The following MEI4 variants were observed in gnomAD, a reference collection of about 807,000 sequenced individuals.
MEI4 encodes meiotic double-stranded break formation protein 4.
MEI4 carries 27 observed loss-of-function variants against 31.4 expected under a neutral mutation model. The observed-to-expected ratio is 0.86, with a 90% CI of 0.63 to 1.19. The LOEUF (loss-of-function observed/expected upper bound fraction) is 1.19. Ranked by LOEUF, MEI4 falls within the 50% of genes most tolerant of loss-of-function variation. The probability of loss-of-function intolerance (pLI) is 0.00; values close to 1 mark genes in which losing one functional copy is unlikely to be tolerated. For missense variants in MEI4, 329 were observed against 398.9 expected (o/e 0.82, Z 1.49); for synonymous variants, 122 against 145.4 (o/e 0.84, Z 1.16).
intron 4 of MEI4, among the ~76,000 whole-genome samples, chr6:77,855,999 A>T (rs1270897339): frequency 6.6e-6 from 1 of 152,134 alleles, no homozygotes; most frequent in African/African-American, 2.4e-5. Context: ...ACATTAAAAA[A>T]ATTGCTGGTT....
rs569346391 is a variant in MEI4 at position 77,917,040 on chromosome 6, G to A, written c.901-6049G>A. ...GCGGTGTTTGGTTTTTTGTTCTTGC[G>A]ATAGTTTACTGAGAATGATGATTTC... On this transcript the variant is annotated intron_variant, in intron 4 of 4. Coordinates refer to ENST00000684080, the MANE Select transcript of MEI4 (RefSeq NM_001322247.2). 1.5e-3 allele frequency among the ~76,000 whole-genome samples: 223 copies of A among 150,820 alleles called. 1 individual carries two copies. Among genetic ancestry groups the A allele is most frequent in the African/African-American group, 4.6e-3 (189 of 40,942 alleles).
chr6:77,658,310 G>A (rs1768436833), intron 1 of MEI4, among the ~76,000 whole-genome samples: 1 of 152,138 alleles, frequency 6.6e-6, no homozygotes, highest in South Asian at 2.1e-4. Context: ...TGATCAGTTA[G>A]GGTGGGGCAG....
At chr6:77,662,187 G>A (rs1035497330) in intron 1 of MEI4, among the ~76,000 whole-genome samples, 1 of 152,192 alleles carries the variant, frequency 6.6e-6, no homozygotes, top group African/African-American at 2.4e-5. Flanking sequence ...AGTTCGGCTT[G>A]CTGAGAGGTA....
chr6:77,794,024 A>G (rs749338912), intron 3 of MEI4, among the ~76,000 whole-genome samples: 3 of 151,296 alleles, frequency 2.0e-5, no homozygotes, highest in Non-Finnish European at 2.9e-5. Flanking sequence ...ACAAAAAATA[A>G]GAAGATTCTA....
At chr6:77,743,889 C>T (rs1767497659) in intron 2 of MEI4, among the ~76,000 whole-genome samples, 1 of 152,346 alleles carries the variant, frequency 6.6e-6, no homozygotes, top group South Asian at 2.1e-4. Flanking sequence ...CAAACTCCAA[C>T]AGACCTGCAG....
chr6:77,877,309 ATTGT>A (rs1195906350), intron 4 of MEI4, among the ~76,000 whole-genome samples: 1 of 151,800 alleles, frequency 6.6e-6, no homozygotes, highest in Non-Finnish European at 1.5e-5. Context: ...TTTACATATG[ATTGT>A]TTATATTTTT....
intron 2 of MEI4, among the ~76,000 whole-genome samples, chr6:77,728,289 G>C (rs1334256362): frequency 6.6e-6 from 1 of 152,206 alleles, no homozygotes; most frequent in Non-Finnish European, 1.5e-5. Context: ...TGTAAAAGAA[G>C]AAAAAGTCTG....
At chr6:77,790,058 T>C (rs1190639576) in intron 3 of MEI4, among the ~76,000 whole-genome samples, 1 of 151,968 alleles carries the variant, frequency 6.6e-6, no homozygotes, top group Admixed American at 6.6e-5. Context: ...ATATACACCA[T>C]GGAATACTAT....
At position 77,797,036 on chromosome 6, in the gene MEI4, CAT is replaced by C. The variant is rs374597423; in HGVS notation, c.769-31894_769-31893del. On this transcript the variant is annotated intron_variant, in intron 3 of 4. Transcript: ENST00000684080. ...AATAGATACCTCAAAAATAAACACA[CAT>C]GTGTATGATTAACTGATTTTTGACA... Among the ~76,000 whole-genome samples, 654 of 152,220 alleles carry C rather than the reference CAT, an allele frequency of 4.3e-3. 6 individuals carry two copies. The highest frequency in any genetic ancestry group is 0.012 in the African/African-American group (507 of 41,546).
intron 2 of MEI4, among the ~76,000 whole-genome samples, chr6:77,738,113 G>A (rs1301115926): frequency 2.0e-5 from 3 of 152,194 alleles, no homozygotes; most frequent in Admixed American, 6.5e-5. Context: ...CAAGGAGGAA[G>A]GTTTGTGTTG....
intron 2 of MEI4, among the ~76,000 whole-genome samples, chr6:77,728,706 C>T (rs1461866112): frequency 6.6e-6 from 1 of 152,134 alleles, no homozygotes; most frequent in African/African-American, 2.4e-5. Context: ...GGAGTGGAGC[C>T]ATCCAGATTG....
chr6:77,699,871 G>GCAGCAGTGGCTGCAGAA (rs1766171883), intron 2 of MEI4, among the ~76,000 whole-genome samples: 1 of 151,648 alleles, frequency 6.6e-6, no homozygotes, highest in Non-Finnish European at 1.5e-5. Flanking sequence ...CTGGGTGTCA[G>GCAGCAGTGGCTGCAGAA]CAGCAGTGGC....
intron 3 of MEI4, among the ~76,000 whole-genome samples, chr6:77,791,960 C>T (rs1409818800): frequency 6.6e-6 from 1 of 152,162 alleles, no homozygotes; most frequent in Non-Finnish European, 1.5e-5. Context: ...CTACCTCAAC[C>T]CTGCACTGAT....
intron 4 of MEI4, among the ~76,000 whole-genome samples, chr6:77,845,698 TTTAG>T (rs1366796504): frequency 1.3e-5 from 2 of 152,280 alleles, no homozygotes; most frequent in East Asian, 3.9e-4. Context: ...ATGGCACTAA[TTTAG>T]TTAATCTACT....
chr6:77,918,819 G>T (rs1469311446), intron 4 of MEI4, among the ~76,000 whole-genome samples: 2 of 151,918 alleles, frequency 1.3e-5, no homozygotes, highest in Non-Finnish European at 2.9e-5. Context: ...AATAGGAGTG[G>T]TGAGAGAGGG....
In MEI4 at chr6:77,676,749, G is replaced by A. The variant is rs897221820; in HGVS notation, c.-14-13909G>A. 2.6e-5 allele frequency among the ~76,000 whole-genome samples: 4 copies of A among 152,156 alleles called. No individual in the cohort carries two copies. In the East Asian group the frequency reaches 7.7e-4, roughly 29 times the overall value. Reference sequence around the variant, plus strand: ...CTATGAGTGTCATCCTCTGTTCTCTGACTTTCTTTATTCTTTTATCAGATT... The same window carrying A: ...CTATGAGTGTCATCCTCTGTTCTCTAACTTTCTTTATTCTTTTATCAGATT... On this transcript the variant is annotated intron_variant, in intron 1 of 4. Transcript: ENST00000684080.
At chr6:77,846,097 C>T (rs1442889064) in intron 4 of MEI4, among the ~76,000 whole-genome samples, 1 of 151,668 alleles carries the variant, frequency 6.6e-6, no homozygotes, top group East Asian at 1.9e-4. Flanking sequence ...AGTTTATCTT[C>T]AATATGAATT....
chr6:77,841,326 TATATA>T (rs1204669818), intron 4 of MEI4, among the ~76,000 whole-genome samples: 5 of 62,596 alleles, frequency 8.0e-5, no homozygotes, highest in Non-Finnish European at 1.4e-4. Context: ...TATATATATA[TATATA>T]TATTTTTTTT....
chr6:77,853,489 C>A (rs894215895), intron 4 of MEI4, among the ~76,000 whole-genome samples: 1 of 152,102 alleles, frequency 6.6e-6, no homozygotes, highest in African/African-American at 2.4e-5. Context: ...CATTTAATAT[C>A]TTTAACTCTC....
Sources: gnomAD v4.1 joint callset for allele counts (sites outside exome capture counted in the v4.1 genomes callset) on GRCh38, gnomAD v4.1.1 for gene constraint, MANE v1.5 for transcripts, NCBI Gene and HGNC (gene_info 2026-07-23, HGNC 2026-07-21) for gene names.